The following UNC5D variants were observed in gnomAD, a reference collection of about 807,000 sequenced individuals.
UNC5D encodes unc-5 netrin receptor D, also known as netrin receptor UNC5D.
Under a neutral mutation model 105.4 loss-of-function variants are expected in UNC5D, and 39 were observed. The observed-to-expected ratio is 0.37, with a 90% CI of 0.29 to 0.48. The LOEUF (loss-of-function observed/expected upper bound fraction) is 0.48, where lower values mean the gene tolerates loss of function less well. Ranked by LOEUF, UNC5D falls within the 20% of genes least tolerant of loss-of-function variation. UNC5D has a pLI of 0.98. For missense variants in UNC5D, 991 were observed against 1,202.4 expected (o/e 0.82, Z 2.60); for synonymous variants, 452 against 450.4 (o/e 1.00, Z -0.04).
chr8:35,391,577 G>A (rs1254823079), intron 1 of UNC5D, among the ~76,000 whole-genome samples: 8 of 152,186 alleles, frequency 5.3e-5, no homozygotes, highest in Non-Finnish European at 8.8e-5. Flanking sequence ...AATGCCCCAC[G>A]TTGTGTGTGA....
intron 1 of UNC5D, among the ~76,000 whole-genome samples, chr8:35,334,365 A>C (rs1810859221): frequency 6.6e-6 from 1 of 152,246 alleles, no homozygotes; most frequent in Non-Finnish European, 1.5e-5. Context: ...GGAGAGTAAA[A>C]TAAGTGAGAT....
intron 4 of UNC5D, among the ~76,000 whole-genome samples, chr8:35,657,710 T>G (rs1823863302): frequency 6.6e-6 from 1 of 152,176 alleles, no homozygotes. Flanking sequence ...GGTCTCAAAC[T>G]TATGACCTCA....
At chr8:35,349,673 G>A (rs1049601117) in intron 1 of UNC5D, among the ~76,000 whole-genome samples, 1 of 151,912 alleles carries the variant, frequency 6.6e-6, no homozygotes, top group Non-Finnish European at 1.5e-5. Context: ...GTAACACATG[G>A]CACTCCATGA....
chr8:35,739,608 G>T (rs72634977), intron 11 of UNC5D, among the ~76,000 whole-genome samples: 1,598 of 152,256 alleles, frequency 0.01, 9 homozygotes, highest in Non-Finnish European at 0.016. Flanking sequence ...GTTATTAATA[G>T]ATATGAATGG....
intron 3 of UNC5D, among the ~76,000 whole-genome samples, chr8:35,585,980 T>G (rs1818768900): frequency 6.6e-6 from 1 of 151,928 alleles, no homozygotes. Context: ...AGTCAAGAAA[T>G]GTGCAGAGTC....
chr8:35,570,718 C>T (rs1817659236), intron 3 of UNC5D, among the ~76,000 whole-genome samples: 1 of 151,952 alleles, frequency 6.6e-6, no homozygotes, highest in African/African-American at 2.4e-5. Context: ...CTTTCGGAGG[C>T]CAAGGTGGGT....
chr8:35,553,973 C>T (rs752864786), intron 2 of UNC5D, among the ~76,000 whole-genome samples: 16 of 152,072 alleles, frequency 1.1e-4, no homozygotes, highest in Non-Finnish European at 2.1e-4. Context: ...TAAGTCCTGT[C>T]GAAAGTAACT....
intron 1 of UNC5D, among the ~76,000 whole-genome samples, chr8:35,264,653 C>A (rs1258517312): frequency 6.6e-6 from 1 of 151,822 alleles, no homozygotes. Context: ...TTGCTTGAAC[C>A]CCGGAGGCGG....
At chr8:35,728,112 G>C (rs1158898728) in intron 10 of UNC5D, among the ~76,000 whole-genome samples, 4 of 121,294 alleles carry the variant, frequency 3.3e-5, no homozygotes, top group African/African-American at 1.2e-4. Context: ...ATATATATAT[G>C]CCATAAAAAC....
chr8:35,593,935 G>T (rs1342125421), intron 3 of UNC5D, among the ~76,000 whole-genome samples: 2 of 152,222 alleles, frequency 1.3e-5, no homozygotes, highest in Non-Finnish European at 2.9e-5. Context: ...CAGCAGAGGA[G>T]AATTGTGTGG....
chr8:35,568,874 C>G (rs1817541260), intron 3 of UNC5D, among the ~76,000 whole-genome samples: 1 of 152,098 alleles, frequency 6.6e-6, no homozygotes, highest in Admixed American at 6.5e-5. Flanking sequence ...TGACAAAGTT[C>G]AAGGGGCACT....
chr8:35,544,200 G>A (rs1372606575), intron 1 of UNC5D, among the ~76,000 whole-genome samples: 1 of 152,178 alleles, frequency 6.6e-6, no homozygotes. Context: ...GTAAACGGCA[G>A]CTCTTATTTT....
chr8:35,394,808 T>C (rs1563374808), intron 1 of UNC5D, among the ~76,000 whole-genome samples: 1 of 152,200 alleles, frequency 6.6e-6, no homozygotes, highest in Non-Finnish European at 1.5e-5. Context: ...ATTTCTCTTA[T>C]TGCAAGAAAT....
chr8:35,715,678 A>T (rs1025943605), intron 8 of UNC5D, among the ~76,000 whole-genome samples: 5 of 152,142 alleles, frequency 3.3e-5, no homozygotes, highest in Admixed American at 2.6e-4. Context: ...GAGAGACTAG[A>T]CTGTGTTTGT....
intron 3 of UNC5D, among the ~76,000 whole-genome samples, chr8:35,582,161 C>G (rs1432132858): frequency 2.0e-5 from 3 of 152,132 alleles, no homozygotes; most frequent in Non-Finnish European, 4.4e-5. Context: ...GCATGAGCCC[C>G]CATGTCTTTC....
At chr8:35,523,542 A>AATTCCATTT (rs1368572784) in intron 1 of UNC5D, among the ~76,000 whole-genome samples, 1 of 151,740 alleles carries the variant, frequency 6.6e-6, no homozygotes, top group African/African-American at 2.4e-5. Flanking sequence ...AGCAACCTAA[A>AATTCCATTT]ATTCCATTTG....
chr8:35,694,985 C>T (rs930144464), intron 7 of UNC5D, among the ~76,000 whole-genome samples: 8 of 152,140 alleles, frequency 5.3e-5, no homozygotes, highest in African/African-American at 1.7e-4. Context: ...TTCATTAACA[C>T]GTTTCCTAAT....
intron 4 of UNC5D, among the ~76,000 whole-genome samples, chr8:35,603,488 G>A (rs1175857177): frequency 6.6e-6 from 1 of 152,068 alleles, no homozygotes; most frequent in African/African-American, 2.4e-5. Flanking sequence ...TGGAATAGGT[G>A]TGGTGTGGTG....
chr8:35,327,482 T>C (rs1314571480), intron 1 of UNC5D, among the ~76,000 whole-genome samples: 1 of 152,190 alleles, frequency 6.6e-6, no homozygotes, highest in African/African-American at 2.4e-5. Flanking sequence ...ACATAGTCCA[T>C]ATTTGGCAGG....
Sources: gnomAD v4.1 joint callset for allele counts (sites outside exome capture counted in the v4.1 genomes callset) on GRCh38, gnomAD v4.1.1 for gene constraint, MANE v1.5 for transcripts, NCBI Gene and HGNC (gene_info 2026-07-23, HGNC 2026-07-21) for gene names.